Variants in PMFBP1 observed in about 807,000 individuals in gnomAD.
PMFBP1 encodes polyamine modulated factor 1 binding protein 1, also known as polyamine-modulated factor 1-binding protein 1.
In PMFBP1, 131 loss-of-function variants were observed where a neutral mutation model predicts 137.8. That is an observed-to-expected ratio of 0.95 (90% CI 0.82 to 1.10). The LOEUF is 1.10. Ranked by LOEUF, PMFBP1 falls within the 50% of genes least tolerant of loss-of-function variation. The pLI is 0.00. For synonymous variants in PMFBP1, 490 were observed against 450.4 expected (o/e 1.09, Z -1.11); for missense variants, 1,199 against 1,175.4 (o/e 1.02, Z -0.29).
rs1488675503 is a variant in PMFBP1, at chr16:72,140,573, T to A, written c.646A>T (p.Asn216Tyr). The change falls in exon 6 of 21, where the codon AAC (asparagine) becomes TAC (tyrosine). Residue 216 changes from asparagine (N) to tyrosine (Y), a missense_variant. Physicochemically the swap from Asn to Tyr is moderately radical, Grantham distance 143. Transcript: ENST00000237353. ...LGGIMGQEPE[N>Y]KGDHSKVRIY... ...CGTACCTTTGAATGATCACCCTTGT[T>A]CTCAGGCTCCTGAGAGATTTAAAAA... 1 of 1,613,136 alleles carries A rather than the reference T, an allele frequency of 6.2e-7. No homozygotes were observed. The highest frequency in any genetic ancestry group is 8.5e-7 in the Non-Finnish European group (1 of 1,179,286).
At chr16:72,165,573 C>T (rs2043133721) in intron 2 of PMFBP1, among the ~76,000 whole-genome samples, 1 of 152,244 alleles carries the variant, frequency 6.6e-6, no homozygotes, top group Admixed American at 6.5e-5. Flanking sequence ...CACCCGCCAC[C>T]ATGCCCGGCT....
At chr16:72,242,646 T>G in the PMFBP1 span, among the ~76,000 whole-genome samples, 2 of 152,352 alleles carry the variant, frequency 1.3e-5, no homozygotes, top group African/African-American at 4.8e-5. Context: ...ACAAACTGTT[T>G]CCGAACTAGA....
At chr16:72,116,997 T>G (rs748053063), downstream of PMFBP1, among the ~76,000 whole-genome samples, 1 of 150,028 alleles carries the variant, frequency 6.7e-6, no homozygotes, top group East Asian at 2.0e-4. Context: ...TCCCTTAAGA[T>G]TCCATGTGAG....
At chr16:72,129,355 T>C (rs914554391) in intron 12 of PMFBP1, 122 bp from the exon 13 acceptor site, 13 of 1,101,010 alleles carry the variant, frequency 1.2e-5, no homozygotes, top group Middle Eastern at 2.2e-4. Flanking sequence ...CTTAGTTATA[T>C]AGCATATGTA....
rs182585826 is a variant in PMFBP1 at position 72,154,395 on chromosome 16, T to C, written c.230A>G (p.Gln77Arg). The stretch of plus-strand genomic sequence containing the variant: ...TTGCTGGAGTTGTCTCAGATGACAC[T>C]GTTTACTGGACCCAAATTCCACCTC... ...ESEVEFGSSK[Q>R]CHLRQLQQLK... Residue 77 changes from glutamine (Q) to arginine (R), a missense_variant, in exon 4 of 21, where the codon CAG (glutamine) becomes CGG (arginine). Transcript: ENST00000237353. The C allele has an allele frequency of 7.9e-5, 128 of 1,614,190 alleles. No homozygotes were observed. In the East Asian group the frequency reaches 2.6e-3, roughly 33 times the overall value.
intron 19 of PMFBP1, 56 bp from the exon 20 acceptor site, chr16:72,120,145 C>G (rs552261340): frequency 6.2e-7 from 1 of 1,612,000 alleles, no homozygotes; most frequent in East Asian, 2.2e-5. Context: ...CTGGTTGGTT[C>G]CCTGCTAGAA....
At chr16:72,156,446 G>C (rs1211976566) in intron 3 of PMFBP1, among the ~76,000 whole-genome samples, 1 of 151,566 alleles carries the variant, frequency 6.6e-6, no homozygotes, top group Non-Finnish European at 1.5e-5. Flanking sequence ...GTGAAACCCC[G>C]TCTCCACTAA....
intron 3 of PMFBP1, among the ~76,000 whole-genome samples, chr16:72,157,790 A>C (rs1222174470): frequency 6.6e-6 from 1 of 152,172 alleles, no homozygotes; most frequent in Non-Finnish European, 1.5e-5. Context: ...GGCTACTGCA[A>C]TAATCCAGAC....
the PMFBP1 span, among the ~76,000 whole-genome samples, chr16:72,202,086 T>G: frequency 6.6e-6 from 1 of 152,220 alleles, no homozygotes; most frequent in African/African-American, 2.4e-5. Context: ...CATGGTTCAT[T>G]GTATATCTTG....
At chr16:72,249,920 CAAAAAAAAAAA>C in the PMFBP1 span, among the ~76,000 whole-genome samples, 33 of 30,124 alleles carry the variant, frequency 1.1e-3, no homozygotes, top group Non-Finnish European at 1.7e-3. Flanking sequence ...GACTCCATCG[CAAAAAAAAAAA>C]AAAAAAAAAA....
the PMFBP1 span, among the ~76,000 whole-genome samples, chr16:72,239,891 A>T: frequency 1.5e-5 from 2 of 136,798 alleles, no homozygotes; most frequent in African/African-American, 6.4e-5. Flanking sequence ...TGTACAAAAA[A>T]AAAAAAAAAG....
At chr16:72,196,009 G>C in the PMFBP1 span, among the ~76,000 whole-genome samples, 1 of 151,846 alleles carries the variant, frequency 6.6e-6, no homozygotes, top group East Asian at 1.9e-4. Context: ...GTGTGTGTGT[G>C]TGTGTGTGTG....
chr16:72,203,519 T>C, the PMFBP1 span, among the ~76,000 whole-genome samples: 9 of 152,200 alleles, frequency 5.9e-5, no homozygotes, highest in East Asian at 1.7e-3. Context: ...CGTGCCCAGA[T>C]GAAATGTGGA....
chr16:72,206,089 G>C, the PMFBP1 span, among the ~76,000 whole-genome samples: 1 of 152,218 alleles, frequency 6.6e-6, no homozygotes, highest in Non-Finnish European at 1.5e-5. Context: ...GTCTGGGGAA[G>C]TGAGTGAGAG....
intron 10 of PMFBP1, 120 bp downstream of exon 10, chr16:72,132,628 G>T: frequency 1.3e-6 from 2 of 1,483,814 alleles, no homozygotes; most frequent in Non-Finnish European, 9.1e-7. Context: ...GAGAAGGTCT[G>T]CAGTGAGACA....
chr16:72,228,302 C>T, the PMFBP1 span, among the ~76,000 whole-genome samples: 21 of 152,266 alleles, frequency 1.4e-4, no homozygotes, highest in South Asian at 2.9e-3. Flanking sequence ...GTATCGTGTA[C>T]GATACCTCCA....
chr16:72,178,235 T>A (rs1331413178), upstream of PMFBP1, among the ~76,000 whole-genome samples: 1 of 152,182 alleles, frequency 6.6e-6, no homozygotes, highest in Admixed American at 6.5e-5. Flanking sequence ...GTGTATCATG[T>A]CAGGGATACA....
rs528491794 is a variant in PMFBP1 at position 72,146,105 on chromosome 16, C to T, written c.636+4503G>A. 3.6e-4 allele frequency among the ~76,000 whole-genome samples: 55 copies of T among 152,294 alleles called. 2 individuals are homozygous for T. In the South Asian group the frequency reaches 0.01, roughly 29 times the overall value. ...ATTTTAGACCAATATCCCTGATGAACATTGATGCGAAAATCCTCAATAAAA... is the reference window on the plus strand; with the variant it reads ...ATTTTAGACCAATATCCCTGATGAATATTGATGCGAAAATCCTCAATAAAA... On this transcript the variant is annotated intron_variant, in intron 5 of 20. Transcript: ENST00000237353.
chr16:72,207,724 G>GTGTGTGTGTGTGTGTA, the PMFBP1 span, among the ~76,000 whole-genome samples: 1 of 151,918 alleles, frequency 6.6e-6, no homozygotes, highest in South Asian at 2.1e-4. Context: ...GTGTGTGTGT[G>GTGTGTGTGTGTGTGTA]TGTGTGTGTG....
Sources: gnomAD v4.1 joint callset for allele counts (sites outside exome capture counted in the v4.1 genomes callset) on GRCh38, gnomAD v4.1.1 for gene constraint, MANE v1.5 for transcripts, NCBI Gene and HGNC (gene_info 2026-07-23, HGNC 2026-07-21) for gene names.